CACNA1S: variants seen among roughly 807,000 people sequenced by gnomAD.
The protein encoded by CACNA1S is voltage-dependent L-type calcium channel subunit alpha-1S.
A neutral mutation model predicts 207.4 loss-of-function variants in CACNA1S; 126 were observed. The ratio of observed to expected loss-of-function variants is 0.61; its 90% CI spans 0.53 to 0.70. The LOEUF (loss-of-function observed/expected upper bound fraction) is 0.70. Among genes scored for constraint, CACNA1S ranks in the 30% least tolerant of loss-of-function variants. The pLI is 0.00. For missense variants in CACNA1S, 2,349 were observed against 2,422.8 expected (o/e 0.97, Z 0.64); for synonymous variants, 960 against 932.7 (o/e 1.03, Z -0.53).
At chr1:201,080,289 C>T (rs141228855) in intron 10 of CACNA1S, among the ~76,000 whole-genome samples, 7 of 152,300 alleles carry the variant, frequency 4.6e-5, no homozygotes, top group Non-Finnish European at 1.0e-4. Flanking sequence ...TCCTCCCCCA[C>T]TACCCCAAAT....
In CACNA1S at chr1:201,050,978, TC is replaced by T. The variant is rs1660627564; in HGVS notation, c.4113+5del. On this transcript the variant is annotated splice_donor_5th_base_variant and intron_variant, in intron 33 of 43. Transcript: ENST00000362061. ...CTCCCTGCCCCGCAGGCCCTCAGCA[TC>T]TCACCAGGAAGGCACAGAGCATGTA... 6.2e-7 allele frequency: 1 copy of T among 1,613,890 alleles called. No homozygotes were observed. Among genetic ancestry groups the T allele is most frequent in the South Asian group, 1.1e-5 (1 of 91,080 alleles).
Position 201,066,950 on chromosome 1 carries a change from C to A in CACNA1S, c.2594G>T (p.Arg865Leu). Residue 865 changes from arginine to leucine, a missense_variant, in exon 20 of 44, where the codon CGC becomes CTC. Physicochemically the swap from Arg to Leu is moderately radical, Grantham distance 102. Transcript: ENST00000362061. This position sits in a 1 kb window ranked among gnomAD's most constrained non-coding sequence, Gnocchi z 4.3. Reference sequence around the variant, plus strand: ...CAGGTCCAGCATGTTGAAGTAATTGCGGCAGAAGGAACCCTTGTGCAGGAA... The same window carrying A: ...CAGGTCCAGCATGTTGAAGTAATTGAGGCAGAAGGAACCCTTGTGCAGGAA... ...GAFLHKGSFC[R>L]NYFNMLDLLV... 1.9e-6 allele frequency: 3 copies of A among 1,614,144 alleles called. No individual in the cohort carries two copies. Among genetic ancestry groups the A allele is most frequent in the South Asian group, 1.1e-5 (1 of 91,084 alleles).
intron 2 of CACNA1S, among the ~76,000 whole-genome samples, chr1:201,097,955 T>C (rs1295437222): frequency 6.6e-6 from 1 of 152,218 alleles, no homozygotes; most frequent in East Asian, 1.9e-4. Flanking sequence ...GACTCACTTT[T>C]TTCTTTCTTT....
rs573597311 is a variant in CACNA1S at position 201,066,909 on chromosome 1, A to T, written c.2635T>A (p.Ser879Thr). 1 of 1,614,044 alleles carries T rather than the reference A, an allele frequency of 6.2e-7. No individual in the cohort carries two copies. The highest frequency in any genetic ancestry group is 1.7e-5 in the Admixed American group (1 of 60,022). ...NMLDLLVVAV[S>T]LISMGLESSA... Reference sequence around the variant, plus strand: ...CACTCAAGTCCCATGGAGATGAGGGACACGGCCACCACCAGCAGGTCCAGC... The same window carrying T: ...CACTCAAGTCCCATGGAGATGAGGGTCACGGCCACCACCAGCAGGTCCAGC... Residue 879 changes from serine (S) to threonine (T), a missense_variant, in exon 20 of 44, where the codon TCC becomes ACC. Transcript: ENST00000362061. The surrounding 1 kb of genome is among the most constrained non-coding windows in gnomAD (Gnocchi z 4.3).
Position 201,049,004 on chromosome 1 carries a change from T to A in CACNA1S, c.4337A>T (p.Lys1446Met), listed in dbSNP as rs766234550. 2 of 1,612,948 alleles carry A rather than the reference T, an allele frequency of 1.2e-6. No individual in the cohort carries two copies. ...CCCATCCCTGGCAGCTCTGGTTACC[T>A]TACAAGCTACCCGATGTGGGCAGAA... ...GKFCPHRVAC[K>M]RLVGMNMPLN... Residue 1446 changes from lysine (K) to methionine (M), a missense_variant and splice_region_variant, in exon 35 of 44, where the codon AAG becomes ATG. Lys to Met is a moderately conservative substitution (Grantham distance 95). Transcript: ENST00000362061.
chr1:201,069,236 G>T, intron 18 of CACNA1S, 40 bp from the exon 19 acceptor site: 1 of 1,579,308 alleles, frequency 6.3e-7, no homozygotes, highest in Non-Finnish European at 8.7e-7. Flanking sequence ...AGTGAGAGGA[G>T]GAGGGGGCAA....
At chr1:201,099,155 T>A (rs544909838) in intron 2 of CACNA1S, among the ~76,000 whole-genome samples, 17 of 152,358 alleles carry the variant, frequency 1.1e-4, no homozygotes, top group Admixed American at 1.3e-4. Flanking sequence ...GGGAAGATGA[T>A]GAGAGCTGGT....
chr1:201,106,101 A>T (rs912976681), intron 2 of CACNA1S, among the ~76,000 whole-genome samples: 1 of 151,660 alleles, frequency 6.6e-6, no homozygotes, highest in Non-Finnish European at 1.5e-5. Context: ...TTGGTAAGTG[A>T]TACTGCCATC....
At position 201,061,971 on chromosome 1, in the gene CACNA1S, G is replaced by A. The variant is rs200224590; in HGVS notation, c.3026C>T (p.Thr1009Met). 9.7e-5 allele frequency: 156 copies of A among 1,614,206 alleles called. No homozygotes were observed. Among genetic ancestry groups the A allele is most frequent in the Middle Eastern group, 3.3e-4 (2 of 6,062 alleles). Reference protein sequence around the residue: ...NVLSAMMSLFTVSTFEGWPQL... With the variant: ...NVLSAMMSLFMVSTFEGWPQL... ...AGGCCATCCCTCGAAGGTGGAGACC[G>A]TGAAGAGGGACATCATGGCTGAGAG... The change falls in exon 24 of 44, where the codon ACG (threonine) becomes ATG (methionine). Residue 1009 changes from threonine to methionine, a missense_variant. Coordinates refer to ENST00000362061, the MANE Select transcript of CACNA1S (RefSeq NM_000069.3).
chr1:201,067,682 A>C (rs1430506610), intron 19 of CACNA1S, among the ~76,000 whole-genome samples: 1 of 152,150 alleles, frequency 6.6e-6, no homozygotes, highest in Non-Finnish European at 1.5e-5. Context: ...CAATGTCCCC[A>C]GATCTCCTTA....
chr1:201,060,578 T>TATCCTGCCCTACTC (rs1384028283), intron 26 of CACNA1S, 80 bp downstream of exon 26: 3 of 1,436,768 alleles, frequency 2.1e-6, no homozygotes, highest in Non-Finnish European at 1.9e-6. Flanking sequence ...GAATCCTGGC[T>TATCCTGCCCTACTC]ATCCTGCCCT....
At chr1:201,110,071 G>T (rs574024937) in intron 2 of CACNA1S, 93 bp downstream of exon 2, 8 of 1,166,824 alleles carry the variant, frequency 6.9e-6, no homozygotes, top group Non-Finnish European at 1.0e-5. Context: ...TTGAACCACC[G>T]GCACCATCCC....
intron 37 of CACNA1S, 83 bp downstream of exon 37, chr1:201,047,442 A>G: frequency 7.5e-7 from 1 of 1,335,466 alleles, no homozygotes; most frequent in Non-Finnish European, 1.1e-6. Context: ...CCGTTCTCAG[A>G]TTCCCATGGG....
At position 201,065,997 on chromosome 1, in the gene CACNA1S, C is replaced by G. The variant is rs151047597; in HGVS notation, c.2746-52G>C. The G allele has an allele frequency of 1.8e-5, 24 of 1,335,706 alleles. No individual in the cohort carries two copies. The African/African-American group carries it at 3.2e-4, about 18-fold the overall frequency. The allele number at this position is 1,335,706 out of a possible 1,614,324, so 82.7% of individuals were successfully genotyped here. A position where few individuals can be genotyped will look rare whatever the true frequency, so the allele number is the denominator to read the frequency against. ...TGGGGGTGCACCCACAGTAACCCTG[C>G]TAGCCCAGTTGAGGAAACCCCAGGA... On this transcript the variant is annotated intron_variant, in intron 21 of 43. Coordinates refer to ENST00000362061, the MANE Select transcript of CACNA1S (RefSeq NM_000069.3).
chr1:201,040,354 G>A lies in CACNA1S; in HGVS notation c.5247C>T (p.Ser1749=). The A allele has an allele frequency of 6.2e-7, 1 of 1,613,584 alleles. No individual in the cohort carries two copies. The highest frequency in any genetic ancestry group is 8.5e-7 in the Non-Finnish European group (1 of 1,179,924). The change falls in exon 43 of 44, where the codon TCC becomes TCT. Residue 1749 remains serine (S), a synonymous_variant. Coordinates refer to ENST00000362061, the MANE Select transcript of CACNA1S (RefSeq NM_000069.3). The part of the protein sequence containing the change: ...APCQCPRVES[S]MPEDRKSSTP... ...TGGAGCTCTTTCTGTCCTCAGGCAT[G>A]GAGGACTCCACCCTGGGGCACTGTT...
At chr1:201,085,406 G>C (rs1342500630) in intron 8 of CACNA1S, 30 bp downstream of exon 8, 1 of 1,613,856 alleles carries the variant, frequency 6.2e-7, no homozygotes, top group Admixed American at 1.7e-5. Flanking sequence ...AGAGTGGGGT[G>C]AGTGCTGACC....
intron 1 of CACNA1S, 91 bp downstream of exon 1, chr1:201,112,097 C>A (rs1463510742): frequency 3.7e-6 from 5 of 1,346,216 alleles, no homozygotes; most frequent in African/African-American, 2.9e-5. Flanking sequence ...GCCTCCCTGG[C>A]CCTCCTGTAG....
intron 17 of CACNA1S, 49 bp downstream of exon 17, chr1:201,070,223 C>T (rs1276546518): frequency 1.2e-6 from 2 of 1,606,950 alleles, no homozygotes; most frequent in Non-Finnish European, 1.7e-6. Context: ...GGCAGGGAAG[C>T]AGATGAGAGC....
rs760677210 is a variant in CACNA1S, at chr1:201,083,199, C to T, written c.1356G>A (p.Glu452=). 13 of 1,614,076 alleles carry T rather than the reference C, an allele frequency of 8.1e-6. No individual in the cohort carries two copies. The highest frequency in any genetic ancestry group is 1.1e-5 in the Non-Finnish European group (13 of 1,180,054). Residue 452 remains glutamate, a synonymous_variant, in exon 10 of 44, where the codon GAG becomes GAA. Coordinates refer to ENST00000362061, the MANE Select transcript of CACNA1S (RefSeq NM_000069.3). The part of the protein sequence containing the change: ...VALNTLSIAS[E]HHNQPLWLTR... ...TCAGCCAGAGAGGCTGGTTGTGGTGCTCTGAGGCGATAGACAGGGTGTTGA... is the reference window on the plus strand; with the variant it reads ...TCAGCCAGAGAGGCTGGTTGTGGTGTTCTGAGGCGATAGACAGGGTGTTGA...
Sources: allele counts gnomAD v4.1 joint callset (sites outside exome capture counted in the v4.1 genomes callset), GRCh38; gene constraint gnomAD v4.1.1; non-coding constraint Gnocchi (gnomAD v3.1); transcripts MANE v1.5; gene names NCBI Gene and HGNC (gene_info 2026-07-23, HGNC 2026-07-21).